Variants in METTL25 observed in about 807,000 individuals in gnomAD.
The protein encoded by METTL25 is methyltransferase like 25.
In METTL25, 64 loss-of-function variants were observed where a neutral mutation model predicts 71.6. The ratio of observed to expected loss-of-function variants is 0.89; its 90% CI spans 0.73 to 1.10. The LOEUF (loss-of-function observed/expected upper bound fraction) is 1.10, where lower values mean the gene tolerates loss of function less well. Among genes scored for constraint, METTL25 ranks in the 50% least tolerant of loss-of-function variants. The pLI, the probability that METTL25 is intolerant of heterozygous loss-of-function variation, is 0.00. For synonymous variants in METTL25, 287 were observed against 250.3 expected (o/e 1.15, Z -1.38); for missense variants, 807 against 707.0 (o/e 1.14, Z -1.60).
At chr12:82,424,095 A>G (rs982309256) in intron 5 of METTL25, among the ~76,000 whole-genome samples, 1 of 152,216 alleles carries the variant, frequency 6.6e-6, no homozygotes, top group African/African-American at 2.4e-5. Flanking sequence ...ACATATGTTT[A>G]TTGCAGCACT....
intron 1 of METTL25, among the ~76,000 whole-genome samples, chr12:82,384,169 C>T (rs1884728546): frequency 6.6e-6 from 1 of 151,984 alleles, no homozygotes; most frequent in Non-Finnish European, 1.5e-5. Context: ...TAAAGTTTTC[C>T]CTTCATAAAA....
chr12:82,456,347 T>A (rs1316396712), intron 8 of METTL25, among the ~76,000 whole-genome samples: 1 of 151,942 alleles, frequency 6.6e-6, no homozygotes, highest in Non-Finnish European at 1.5e-5. Context: ...GCTGTTGAAT[T>A]ATTGCCTCTA....
chr12:82,458,623 T>G lies in METTL25; in HGVS notation c.1572+1803T>G, dbSNP rs548304958. On this transcript the variant is annotated intron_variant, in intron 9 of 11. Transcript: ENST00000248306. ...ATGAGCTCAACCTGGTTTTAGAGAA[T>G]AGTGGAGAAAAAAAAAATCCCCTCC... 3.3e-5 allele frequency among the ~76,000 whole-genome samples: 5 copies of G among 151,378 alleles called. No homozygotes were observed. In the South Asian group the frequency reaches 1.0e-3, roughly 32 times the overall value.
intron 5 of METTL25, among the ~76,000 whole-genome samples, chr12:82,424,752 A>G (rs1381818597): frequency 6.6e-6 from 1 of 152,022 alleles, no homozygotes. Context: ...ATCATACTGG[A>G]TTGGGTAGGC....
chr12:82,382,746 T>C (rs1884563135), intron 1 of METTL25, among the ~76,000 whole-genome samples: 1 of 152,178 alleles, frequency 6.6e-6, no homozygotes, highest in Admixed American at 6.5e-5. Flanking sequence ...CTCAGGGTCT[T>C]GCTCTGTTGC....
chr12:82,465,366 T>C (rs543517853), intron 9 of METTL25, among the ~76,000 whole-genome samples: 1 of 152,176 alleles, frequency 6.6e-6, no homozygotes, highest in South Asian at 2.1e-4. Flanking sequence ...GATAATATTA[T>C]AGTTTTTGTC....
At chr12:82,464,046 C>G (rs544686576) in intron 9 of METTL25, among the ~76,000 whole-genome samples, 1 of 152,086 alleles carries the variant, frequency 6.6e-6, no homozygotes, top group South Asian at 2.1e-4. Flanking sequence ...ATATTTTCTT[C>G]TAGTCTGTAG....
intron 9 of METTL25, among the ~76,000 whole-genome samples, chr12:82,463,010 T>A (rs1026227360): frequency 2.6e-5 from 4 of 152,126 alleles, no homozygotes; most frequent in Non-Finnish European, 4.4e-5. Flanking sequence ...ATATTATGTA[T>A]AGTGATTAGA....
chr12:82,476,923 A>G (rs1189290839), intron 10 of METTL25, among the ~76,000 whole-genome samples: 1 of 151,868 alleles, frequency 6.6e-6, no homozygotes, highest in Non-Finnish European at 1.5e-5. Flanking sequence ...TTAAAAAAGT[A>G]TTATAAATGC....
intron 5 of METTL25, among the ~76,000 whole-genome samples, chr12:82,410,553 C>T (rs1175857942): frequency 6.6e-6 from 1 of 152,062 alleles, no homozygotes; most frequent in Admixed American, 6.6e-5. Flanking sequence ...AGTGTTCCTC[C>T]TGCTACAGTT....
chr12:82,401,833 A>G (rs1886647115), intron 4 of METTL25, among the ~76,000 whole-genome samples: 1 of 152,066 alleles, frequency 6.6e-6, no homozygotes, highest in South Asian at 2.1e-4. Context: ...TGATCTTTAC[A>G]TTATCATGGT....
At position 82,403,142 on chromosome 12, in the gene METTL25, C is replaced by T. The variant is rs1383667206; in HGVS notation, c.1279+12C>T. On this transcript the variant is annotated intron_variant, in intron 5 of 11. Coordinates refer to ENST00000248306, the MANE Select transcript of METTL25 (RefSeq NM_032230.3). The stretch of plus-strand genomic sequence containing the variant: ...AAACCAGCATAAAGGTACAAGTTCC[C>T]CATGTGTCATAATTTTTATTCATTT... 1.3e-6 allele frequency: 2 copies of T among 1,597,026 alleles called. No individual in the cohort carries two copies. Among genetic ancestry groups the T allele is most frequent in the East Asian group, 2.2e-5 (1 of 44,526 alleles).
chr12:82,367,880 G>A (rs1644447607), intron 1 of METTL25, among the ~76,000 whole-genome samples: 1 of 152,144 alleles, frequency 6.6e-6, no homozygotes, highest in Non-Finnish European at 1.5e-5. Context: ...GTCACACATA[G>A]TTTTGAATCC....
Position 82,443,462 on chromosome 12 carries a change from CAAAAAAAA to C in METTL25, c.1478+4681_1478+4688del, listed in dbSNP as rs67737833. Among the ~76,000 whole-genome samples, 6 of 96,574 alleles carry C rather than the reference CAAAAAAAA, an allele frequency of 6.2e-5. 1 individual carries two copies. The highest frequency in any genetic ancestry group is 7.5e-5 in the African/African-American group (2 of 26,522). 63.4% of individuals were successfully genotyped at this position (96,574 alleles called of 152,430 possible). A position where few individuals can be genotyped will look rare whatever the true frequency, so the allele number is the denominator to read the frequency against. ...CTGAAAATACATTGTCAGAGGAGAC[CAAAAAAAA>C]AAAAAAAAAGAAAAAAAAGAATGCA... On this transcript the variant is annotated intron_variant, in intron 8 of 11. Transcript: ENST00000248306.
intron 9 of METTL25, among the ~76,000 whole-genome samples, chr12:82,463,082 C>A (rs979128971): frequency 3.3e-5 from 5 of 152,006 alleles, no homozygotes; most frequent in African/African-American, 7.2e-5. Context: ...TGGGGACATT[C>A]AGGATCCTCC....
At chr12:82,400,917 A>G (rs934290326) in intron 4 of METTL25, among the ~76,000 whole-genome samples, 2 of 152,072 alleles carry the variant, frequency 1.3e-5, no homozygotes, top group Non-Finnish European at 2.9e-5. Flanking sequence ...ATGTTCTTTT[A>G]TTTTCTTTAG....
At chr12:82,447,121 T>C (rs1890810288) in intron 8 of METTL25, among the ~76,000 whole-genome samples, 1 of 151,622 alleles carries the variant, frequency 6.6e-6, no homozygotes, top group African/African-American at 2.4e-5. Flanking sequence ...GATCAGAGCA[T>C]AAATAAATAA....
intron 1 of METTL25, among the ~76,000 whole-genome samples, chr12:82,372,576 G>C (rs74371985): frequency 6.6e-6 from 1 of 152,162 alleles, no homozygotes; most frequent in African/African-American, 2.4e-5. Context: ...GGATAGTATT[G>C]TAATTTGTAC....
chr12:82,453,724 T>C (rs1026981017), intron 8 of METTL25, among the ~76,000 whole-genome samples: 1 of 152,168 alleles, frequency 6.6e-6, no homozygotes, highest in Non-Finnish European at 1.5e-5. Context: ...TGCTTATCTA[T>C]TATACTTGAA....
Sources: gnomAD v4.1 joint callset for allele counts (sites outside exome capture counted in the v4.1 genomes callset) on GRCh38, gnomAD v4.1.1 for gene constraint, MANE v1.5 for transcripts, NCBI Gene and HGNC (gene_info 2026-07-23, HGNC 2026-07-21) for gene names.